The following DSCAM variants were observed in gnomAD, a reference collection of about 807,000 sequenced individuals.
DSCAM encodes the protein DS cell adhesion molecule.
Under a neutral mutation model 217.7 loss-of-function variants are expected in DSCAM, and 47 were observed. That is an observed-to-expected ratio of 0.22 (90% CI 0.17 to 0.28). DSCAM has a LOEUF of 0.28. Among genes scored for constraint, DSCAM ranks in the 10% least tolerant of loss-of-function variants. DSCAM has a pLI of 1.00. For synonymous variants in DSCAM, 1,056 were observed against 1,015.3 expected (o/e 1.04, Z -0.76); for missense variants, 2,080 against 2,618.3 (o/e 0.79, Z 4.49).
chr21:40,517,571 T>A (rs2076313239), intron 3 of DSCAM, among the ~76,000 whole-genome samples: 1 of 152,076 alleles, frequency 6.6e-6, no homozygotes, highest in Non-Finnish European at 1.5e-5. Flanking sequence ...TTCTAATATG[T>A]CTATGATGCC....
intron 3 of DSCAM, among the ~76,000 whole-genome samples, chr21:40,532,515 C>A (rs183226812): frequency 1.9e-4 from 29 of 152,134 alleles, no homozygotes; most frequent in African/African-American, 7.0e-4. Context: ...TATAGGGAAA[C>A]ATAAAGGAAA....
chr21:40,087,278 C>A lies in DSCAM; in HGVS notation c.3860G>T (p.Arg1287Leu). 1.2e-6 allele frequency: 2 copies of A among 1,613,762 alleles called. No homozygotes were observed. The highest frequency in any genetic ancestry group is 2.2e-5 in the South Asian group (2 of 91,050). Residue 1287 changes from arginine (R) to leucine (L), a missense_variant, in exon 22 of 33, where the codon CGA becomes CTA. Arg to Leu is a moderately radical substitution (Grantham distance 102, BLOSUM62 -2). This residue lies in a region of DSCAM where 1,144 missense variants were observed against 1,421.1 expected (regional missense o/e 0.81). Coordinates refer to ENST00000400454, the MANE Select transcript of DSCAM (RefSeq NM_001389.5). ...TVEPLAKAPA[R>L]ILTFSGTVTT... ...CACTGTCCCACTGAAGGTCAGGATT[C>A]GTGCAGGAGCTGAGGAACCAAACAA...
In DSCAM at chr21:40,725,338, G is replaced by A. The variant is rs554735605; in HGVS notation, c.44-16567C>T. ...CCTTTTCTTATCAGCAATGCCTACT[G>A]TCGCCAAAGCAGTGATGGAAAAAAA... On this transcript the variant is annotated intron_variant, in intron 1 of 32. Coordinates refer to ENST00000400454, the MANE Select transcript of DSCAM (RefSeq NM_001389.5). Among the ~76,000 whole-genome samples, 42 of 138,688 alleles carry A rather than the reference G, an allele frequency of 3.0e-4. 1 individual carries two copies. The South Asian group carries it at 9.1e-3, about 30-fold the overall frequency. 91.0% of individuals were successfully genotyped at this position (138,688 alleles called of 152,430 possible). A position where few individuals can be genotyped will look rare whatever the true frequency, so the allele number is the denominator to read the frequency against.
At chr21:40,171,905 A>T (rs923596626) in intron 15 of DSCAM, among the ~76,000 whole-genome samples, 2 of 152,238 alleles carry the variant, frequency 1.3e-5, no homozygotes, top group Non-Finnish European at 2.9e-5. Context: ...TAAGGGTCAA[A>T]AATTAGGTAT....
At chr21:40,120,116 G>C (rs979717097) in intron 20 of DSCAM, among the ~76,000 whole-genome samples, 1 of 152,104 alleles carries the variant, frequency 6.6e-6, no homozygotes, top group Non-Finnish European at 1.5e-5. Flanking sequence ...ACAATGTGGA[G>C]AACTTAATTG....
chr21:40,641,285 C>T (rs2089875657), intron 3 of DSCAM, among the ~76,000 whole-genome samples: 3 of 151,952 alleles, frequency 2.0e-5, no homozygotes, highest in South Asian at 4.2e-4. Flanking sequence ...ACGTTTAAAT[C>T]TACCTCACGG....
At chr21:40,765,015 C>T (rs993408896) in intron 1 of DSCAM, among the ~76,000 whole-genome samples, 14 of 151,504 alleles carry the variant, frequency 9.2e-5, no homozygotes, top group African/African-American at 3.2e-4. Flanking sequence ...GGCTTAAAAC[C>T]GAGATGGGTT....
At chr21:40,643,583 CT>C (rs1219950927) in intron 3 of DSCAM, among the ~76,000 whole-genome samples, 3 of 152,166 alleles carry the variant, frequency 2.0e-5, no homozygotes, top group African/African-American at 7.2e-5. Flanking sequence ...AGAGTGGACT[CT>C]TTTGCTTTGC....
chr21:40,013,862 G>A lies in DSCAM; in HGVS notation c.5687-476C>T, dbSNP rs1261297147. 2.0e-5 allele frequency among the ~76,000 whole-genome samples: 3 copies of A among 152,318 alleles called. No individual in the cohort carries two copies. In the East Asian group the frequency reaches 5.8e-4, roughly 29 times the overall value. Reference sequence around the variant, plus strand: ...CAATTCTATGAAACCTTGTGACCTTGGCCAGCCACTTAGTTATGGGTCTTC... The same window carrying A: ...CAATTCTATGAAACCTTGTGACCTTAGCCAGCCACTTAGTTATGGGTCTTC... On this transcript the variant is annotated intron_variant, in intron 32 of 32. Transcript: ENST00000400454.
intron 3 of DSCAM, among the ~76,000 whole-genome samples, chr21:40,571,091 G>GA (rs556713622): frequency 6.7e-5 from 10 of 148,210 alleles, no homozygotes; most frequent in East Asian, 2.0e-4. Flanking sequence ...AACCTTAAAA[G>GA]AAAAAAAAAT....
chr21:40,705,194 C>T (rs1040047906), intron 2 of DSCAM, among the ~76,000 whole-genome samples: 4 of 152,206 alleles, frequency 2.6e-5, no homozygotes, highest in African/African-American at 7.2e-5. Context: ...CATCCACTCA[C>T]ATACTAAACA....
At chr21:40,545,259 A>C (rs2076572673) in intron 3 of DSCAM, among the ~76,000 whole-genome samples, 1 of 152,126 alleles carries the variant, frequency 6.6e-6, no homozygotes, top group African/African-American at 2.4e-5. Context: ...AAAATTGAGA[A>C]ATCAATGTCT....
intron 3 of DSCAM, among the ~76,000 whole-genome samples, chr21:40,483,139 G>A (rs2075996541): frequency 6.6e-6 from 1 of 152,214 alleles, no homozygotes; most frequent in African/African-American, 2.4e-5. Context: ...AGAAACAGAA[G>A]AAATGTCATT....
chr21:40,451,123 T>A (rs2075715559), intron 3 of DSCAM, among the ~76,000 whole-genome samples: 1 of 152,208 alleles, frequency 6.6e-6, no homozygotes, highest in Non-Finnish European at 1.5e-5. Flanking sequence ...TCTCTGGGCA[T>A]TCAGCCCCAT....
chr21:40,552,313 CA>C (rs34329483), intron 3 of DSCAM, among the ~76,000 whole-genome samples: 72,621 of 148,324 alleles, frequency 0.49, 17,969 homozygotes, highest in Admixed American at 0.57. Context: ...CACTTCGTCT[CA>C]AAAAAAAAAA....
chr21:40,025,559 G>A (rs1217297060), intron 32 of DSCAM, among the ~76,000 whole-genome samples: 1 of 150,426 alleles, frequency 6.6e-6, no homozygotes, highest in Non-Finnish European at 1.5e-5. Flanking sequence ...TCCTGTTATT[G>A]GTCTATTCAG....
chr21:40,107,256 T>C (rs930370355), intron 20 of DSCAM, among the ~76,000 whole-genome samples: 2 of 152,184 alleles, frequency 1.3e-5, no homozygotes, highest in East Asian at 1.9e-4. Flanking sequence ...GAGCAGGTCA[T>C]TCAATTTCCA....
chr21:40,655,574 C>A (rs2090065949), intron 3 of DSCAM, among the ~76,000 whole-genome samples: 1 of 151,918 alleles, frequency 6.6e-6, no homozygotes, highest in South Asian at 2.1e-4. Context: ...TCCCAAGTGG[C>A]TAGGACTACA....
chr21:40,102,733 G>A (rs887084333), intron 20 of DSCAM, among the ~76,000 whole-genome samples: 2 of 152,134 alleles, frequency 1.3e-5, no homozygotes, highest in African/African-American at 4.8e-5. Context: ...CCCAATAATT[G>A]CCAAATTCAT....
Sources: allele counts gnomAD v4.1 joint callset (sites outside exome capture counted in the v4.1 genomes callset), GRCh38; gene constraint gnomAD v4.1.1; regional missense constraint gnomAD v4.1.1; transcripts MANE v1.5; gene names NCBI Gene and HGNC (gene_info 2026-07-23, HGNC 2026-07-21).